ZMYND8: variants seen among roughly 807,000 people sequenced by gnomAD.
ZMYND8 encodes the protein zinc finger MYND-type containing 8, also known as MYND-type zinc finger-containing chromatin reader ZMYND8.
Under a neutral mutation model 140.8 loss-of-function variants are expected in ZMYND8, and 37 were observed. That is an observed-to-expected ratio of 0.26 (90% confidence interval 0.20 to 0.35). ZMYND8 has a LOEUF of 0.35. Ranked by LOEUF, ZMYND8 falls within the 10% of genes least tolerant of loss-of-function variation. The probability of loss-of-function intolerance (pLI) is 1.00; values close to 1 mark genes in which losing one functional copy is unlikely to be tolerated. For missense variants in ZMYND8, 1,068 were observed against 1,570.0 expected (o/e 0.68, Z 5.40); for synonymous variants, 592 against 597.1 (o/e 0.99, Z 0.12).
intron 3 of ZMYND8, among the ~76,000 whole-genome samples, chr20:47,302,511 C>G (rs1284554243): frequency 6.6e-6 from 1 of 152,030 alleles, no homozygotes; most frequent in Non-Finnish European, 1.5e-5. Flanking sequence ...AGATATCTCA[C>G]TATGTATATG....
intron 2 of ZMYND8, among the ~76,000 whole-genome samples, chr20:47,337,976 T>G (rs2081520425): frequency 6.6e-6 from 1 of 152,030 alleles, no homozygotes. Context: ...GATGTAGGAA[T>G]AGGACTGAGG....
At chr20:47,272,279 G>A (rs563764536) in intron 11 of ZMYND8, among the ~76,000 whole-genome samples, 10 of 151,884 alleles carry the variant, frequency 6.6e-5, no homozygotes, top group East Asian at 2.0e-4. Context: ...GGGTTTCACC[G>A]TGTTAGCCAG....
Position 47,210,815 on chromosome 20 carries a change from G to A in ZMYND8, c.3651C>T (p.Thr1217=), listed in dbSNP as rs1413342505. 1 of 1,614,148 alleles carries A rather than the reference G, an allele frequency of 6.2e-7. No individual in the cohort carries two copies. Among genetic ancestry groups the A allele is most frequent in the East Asian group, 2.2e-5 (1 of 44,866 alleles). ...CTTTCGGGAGGAGGCTCTTCGTGCTGGTACTGGTGTTGTGATCGGAACGTG... is the reference window on the plus strand; with the variant it reads ...CTTTCGGGAGGAGGCTCTTCGTGCTAGTACTGGTGTTGTGATCGGAACGTG... The part of the protein sequence containing the change: ...GSTRSDHNTS[T]STKSLLPKES... The change falls in exon 23 of 23, where the codon ACC becomes ACT. Residue 1217 remains threonine (T), a synonymous_variant. Coordinates refer to ENST00000471951, the MANE Select transcript of ZMYND8 (RefSeq NM_001281775.3).
intron 22 of ZMYND8, 27 bp from the exon 23 acceptor site, chr20:47,210,924 C>A: frequency 6.2e-7 from 1 of 1,606,100 alleles, no homozygotes; most frequent in South Asian, 1.1e-5. Flanking sequence ...ATGTGTTTAG[C>A]GTGCCTGCCC....
intron 11 of ZMYND8, among the ~76,000 whole-genome samples, chr20:47,270,578 T>TAG (rs1196712771): frequency 3.3e-5 from 5 of 150,310 alleles, no homozygotes; most frequent in East Asian, 3.9e-4. Flanking sequence ...TAAAAGTTGA[T>TAG]AGCTGGGTGT....
intron 2 of ZMYND8, chr20:47,318,657 C>A (rs1266381198): frequency 1.8e-5 from 8 of 448,534 alleles, no homozygotes; most frequent in Non-Finnish European, 3.6e-5. Context: ...TCTCTTAGAC[C>A]CACAGAAACT....
At chr20:47,309,306 T>G (rs540263953) in intron 3 of ZMYND8, among the ~76,000 whole-genome samples, 6 of 150,934 alleles carry the variant, frequency 4.0e-5, no homozygotes, top group Admixed American at 4.0e-4. Flanking sequence ...ACCTAAACCC[T>G]TCATTTTTTT....
intron 21 of ZMYND8, among the ~76,000 whole-genome samples, chr20:47,218,647 T>C (rs948400431): frequency 1.3e-5 from 2 of 152,186 alleles, no homozygotes; most frequent in African/African-American, 4.8e-5. Flanking sequence ...TCAGGAAATA[T>C]GAGAGATGCT....
At chr20:47,313,481 G>C (rs1045928568) in intron 2 of ZMYND8, among the ~76,000 whole-genome samples, 9 of 151,976 alleles carry the variant, frequency 5.9e-5, no homozygotes, top group Admixed American at 3.3e-4. Context: ...AATTAGCCGG[G>C]CGTGGTGGCG....
At chr20:47,300,554 T>C (rs2148076216) in intron 3 of ZMYND8, among the ~76,000 whole-genome samples, 1 of 152,336 alleles carries the variant, frequency 6.6e-6, no homozygotes, top group East Asian at 1.9e-4. Context: ...TCCAATAGTT[T>C]ATTGACTGAA....
At chr20:47,318,639 G>A (rs1330924449) in intron 2 of ZMYND8, 4 of 431,186 alleles carry the variant, frequency 9.3e-6, no homozygotes, top group South Asian at 1.6e-5. Context: ...TTCCTCCAAC[G>A]CTGACCGTCT....
At chr20:47,335,643 G>GC (rs1250539689) in intron 2 of ZMYND8, among the ~76,000 whole-genome samples, 1 of 152,138 alleles carries the variant, frequency 6.6e-6, no homozygotes, top group African/African-American at 2.4e-5. Flanking sequence ...TGAAACGGTC[G>GC]ATTTTAGATC....
At chr20:47,349,466 T>C (rs2082596970) in intron 1 of ZMYND8, among the ~76,000 whole-genome samples, 1 of 152,234 alleles carries the variant, frequency 6.6e-6, no homozygotes, top group Non-Finnish European at 1.5e-5. Flanking sequence ...CGGTGATTTA[T>C]TGAAGGTTAT....
chr20:47,214,946 G>A (rs927509688), intron 21 of ZMYND8, among the ~76,000 whole-genome samples: 63 of 152,294 alleles, frequency 4.1e-4, no homozygotes, highest in East Asian at 3.9e-3. Flanking sequence ...TGCTGACCAC[G>A]GTGGCACATG....
intron 12 of ZMYND8, 65 bp downstream of exon 12, chr20:47,262,223 G>T: frequency 1.2e-6 from 2 of 1,609,064 alleles, no homozygotes; most frequent in South Asian, 1.1e-5. Flanking sequence ...TACACAAGAG[G>T]ATACGTCATT....
At chr20:47,228,251 G>GC (rs2037978709) in intron 17 of ZMYND8, among the ~76,000 whole-genome samples, 1 of 152,202 alleles carries the variant, frequency 6.6e-6, no homozygotes, top group Admixed American at 6.5e-5. Context: ...TGACAGGGAT[G>GC]CTGCTCAACA....
chr20:47,323,051 AT>A (rs900725955), intron 2 of ZMYND8, among the ~76,000 whole-genome samples: 3 of 152,198 alleles, frequency 2.0e-5, no homozygotes, highest in Admixed American at 2.0e-4. Flanking sequence ...TGACTCAGTC[AT>A]TCAGTTGGAA....
intron 22 of ZMYND8, 29 bp downstream of exon 22, chr20:47,212,613 C>T (rs2035445526): frequency 2.5e-6 from 4 of 1,612,238 alleles, no homozygotes; most frequent in Non-Finnish European, 3.4e-6. Context: ...GAAGCCCCGG[C>T]AGCTTTCGTA....
intron 11 of ZMYND8, among the ~76,000 whole-genome samples, chr20:47,265,291 C>T (rs1421534721): frequency 6.6e-6 from 1 of 152,002 alleles, no homozygotes; most frequent in Non-Finnish European, 1.5e-5. Flanking sequence ...TATCAAATAC[C>T]CTGCTTGGGA....
Sources: gnomAD v4.1 joint callset for allele counts (sites outside exome capture counted in the v4.1 genomes callset) on GRCh38, gnomAD v4.1.1 for gene constraint, MANE v1.5 for transcripts, NCBI Gene and HGNC (gene_info 2026-07-23, HGNC 2026-07-21) for gene names.